The following COL25A1 variants were observed in gnomAD, a reference collection of about 807,000 sequenced individuals.
COL25A1 encodes collagen type XXV alpha 1 chain.
A neutral mutation model predicts 128.4 loss-of-function variants in COL25A1; 103 were observed. The ratio of observed to expected loss-of-function variants is 0.80; its 90% confidence interval spans 0.68 to 0.94. The LOEUF is 0.94. Among genes scored for constraint, COL25A1 ranks in the 40% least tolerant of loss-of-function variants. The pLI is 0.00. For missense variants in COL25A1, 745 were observed against 840.0 expected (o/e 0.89, Z 1.40); for synonymous variants, 279 against 277.2 (o/e 1.01, Z -0.06).
chr4:109,057,341 C>T (rs1306192198), intron 3 of COL25A1, among the ~76,000 whole-genome samples: 1 of 149,916 alleles, frequency 6.7e-6, no homozygotes, highest in East Asian at 2.0e-4. Flanking sequence ...GATCTCAGCT[C>T]ACTGCAACCT....
intron 11 of COL25A1, among the ~76,000 whole-genome samples, chr4:108,930,215 T>C (rs1746562995): frequency 6.6e-6 from 1 of 152,118 alleles, no homozygotes; most frequent in Non-Finnish European, 1.5e-5. Context: ...GAACTTCCCT[T>C]AGATCTGGCA....
chr4:109,053,189 G>A (rs1263719872), intron 3 of COL25A1, among the ~76,000 whole-genome samples: 2 of 152,110 alleles, frequency 1.3e-5, no homozygotes, highest in African/African-American at 4.8e-5. Context: ...AGAAAATTCA[G>A]GACAATTGGT....
intron 3 of COL25A1, among the ~76,000 whole-genome samples, chr4:109,112,785 C>A (rs567880223): frequency 4.5e-4 from 69 of 152,204 alleles, no homozygotes; most frequent in African/African-American, 1.6e-3. Context: ...TTCCACAAAG[C>A]TTTTCCTATT....
intron 3 of COL25A1, among the ~76,000 whole-genome samples, chr4:109,077,124 A>G (rs886430401): frequency 6.6e-6 from 1 of 152,324 alleles, no homozygotes; most frequent in South Asian, 2.1e-4. Context: ...TTGGCACAAC[A>G]CCAAACAATA....
At chr4:109,006,682 T>C (rs1485152698) in intron 6 of COL25A1, among the ~76,000 whole-genome samples, 1 of 152,216 alleles carries the variant, frequency 6.6e-6, no homozygotes, top group African/African-American at 2.4e-5. Context: ...ATGTAAGATT[T>C]AATTTTATAA....
intron 2 of COL25A1, 74 bp downstream of exon 2, chr4:109,301,649 G>T: frequency 6.6e-7 from 1 of 1,516,242 alleles, no homozygotes; most frequent in Non-Finnish European, 9.0e-7. Context: ...AGTAAGGGTA[G>T]CGGCTAGTCA....
At chr4:109,219,042 T>G (rs1455008935) in intron 3 of COL25A1, among the ~76,000 whole-genome samples, 1 of 151,992 alleles carries the variant, frequency 6.6e-6, no homozygotes, top group African/African-American at 2.4e-5. Context: ...TTTCTAGGAG[T>G]CAGAGCAAAC....
intron 3 of COL25A1, among the ~76,000 whole-genome samples, chr4:109,061,043 C>T (rs1193784102): frequency 6.6e-6 from 1 of 152,172 alleles, no homozygotes; most frequent in Admixed American, 6.5e-5. Flanking sequence ...TTTCATGCTA[C>T]ATAAGTGAGG....
intron 19 of COL25A1, among the ~76,000 whole-genome samples, chr4:108,882,526 T>A (rs1266123552): frequency 6.6e-6 from 1 of 152,174 alleles, no homozygotes; most frequent in African/African-American, 2.4e-5. Flanking sequence ...CTTATCACTT[T>A]AAATAAATAG....
intron 3 of COL25A1, among the ~76,000 whole-genome samples, chr4:109,240,315 T>C (rs1043622967): frequency 1.3e-5 from 2 of 152,066 alleles, no homozygotes; most frequent in African/African-American, 4.8e-5. Context: ...AGTAATGCAT[T>C]GTGCCATGAC....
chr4:109,095,381 A>T (rs2126014310), intron 3 of COL25A1, among the ~76,000 whole-genome samples: 1 of 152,294 alleles, frequency 6.6e-6, no homozygotes, highest in African/African-American at 2.4e-5. Context: ...GTGTTTTTTT[A>T]AAACCTAGGA....
chr4:108,919,987 C>T (rs1745314225), intron 12 of COL25A1, among the ~76,000 whole-genome samples: 1 of 152,158 alleles, frequency 6.6e-6, no homozygotes, highest in Non-Finnish European at 1.5e-5. Flanking sequence ...GTCTCTAACT[C>T]TTGACCTCAG....
intron 3 of COL25A1, among the ~76,000 whole-genome samples, chr4:109,116,362 A>AT (rs1767560111): frequency 6.6e-6 from 1 of 152,072 alleles, no homozygotes; most frequent in South Asian, 2.1e-4. Flanking sequence ...GCCTGTTGCG[A>AT]TTTTATCAGA....
chr4:108,934,939 T>C (rs1170696399), intron 11 of COL25A1, among the ~76,000 whole-genome samples: 1 of 152,206 alleles, frequency 6.6e-6, no homozygotes, highest in Non-Finnish European at 1.5e-5. Context: ...TGTTTTAAAG[T>C]GCTTTCCCCT....
intron 14 of COL25A1, among the ~76,000 whole-genome samples, chr4:108,900,370 A>G (rs994142678): frequency 6.6e-6 from 1 of 152,206 alleles, no homozygotes; most frequent in African/African-American, 2.4e-5. Context: ...GGCGCCTGTC[A>G]ATAGCAAATG....
chr4:109,109,667 G>A (rs1324010900), intron 3 of COL25A1, among the ~76,000 whole-genome samples: 1 of 152,148 alleles, frequency 6.6e-6, no homozygotes, highest in Non-Finnish European at 1.5e-5. Flanking sequence ...CTGTGCCTGG[G>A]GATGTATATG....
chr4:109,161,500 T>C (rs1274854774), intron 3 of COL25A1, among the ~76,000 whole-genome samples: 2 of 152,202 alleles, frequency 1.3e-5, no homozygotes, highest in East Asian at 1.9e-4. Context: ...CCTGAATTGA[T>C]TGTTTAAATA....
At chr4:109,072,294 G>T (rs72883475) in intron 3 of COL25A1, among the ~76,000 whole-genome samples, 2 of 152,104 alleles carry the variant, frequency 1.3e-5, no homozygotes, top group Non-Finnish European at 2.9e-5. Context: ...ACAGATGAAC[G>T]ATGTTACCTT....
chr4:109,169,316 T>C (rs1032653110), intron 3 of COL25A1, among the ~76,000 whole-genome samples: 12 of 152,198 alleles, frequency 7.9e-5, no homozygotes, highest in Non-Finnish European at 1.6e-4. Flanking sequence ...TTCTCTAATG[T>C]AGCCAGGAAT....
Sources: gnomAD v4.1 joint callset for allele counts (sites outside exome capture counted in the v4.1 genomes callset) on GRCh38, gnomAD v4.1.1 for gene constraint, MANE v1.5 for transcripts, NCBI Gene and HGNC (gene_info 2026-07-23, HGNC 2026-07-21) for gene names.